PAXBP1: variants seen among roughly 807,000 people sequenced by gnomAD.
The protein encoded by PAXBP1 is PAX3- and PAX7-binding protein 1.
A neutral mutation model predicts 119.9 loss-of-function variants in PAXBP1; 44 were observed. The ratio of observed to expected loss-of-function variants is 0.37; its 90% CI spans 0.29 to 0.47. The LOEUF is 0.47. Among genes scored for constraint, PAXBP1 ranks in the 20% least tolerant of loss-of-function variants. The pLI is 0.99. For missense variants in PAXBP1, 898 were observed against 1,134.1 expected (o/e 0.79, Z 2.99); for synonymous variants, 393 against 406.6 (o/e 0.97, Z 0.40).
chr21:32,740,792 G>A (rs2043769942), intron 15 of PAXBP1, among the ~76,000 whole-genome samples: 1 of 151,298 alleles, frequency 6.6e-6, no homozygotes, highest in East Asian at 1.9e-4. Flanking sequence ...AAGACTATTA[G>A]AATGGAAAGA....
chr21:32,762,003 G>T, intron 4 of PAXBP1, 93 bp downstream of exon 4: 2 of 1,285,668 alleles, frequency 1.6e-6, no homozygotes, highest in Non-Finnish European at 2.2e-6. Context: ...TTGTACCACT[G>T]CACTCTGGCC....
chr21:32,761,983 T>G (rs932005057), intron 4 of PAXBP1, 113 bp downstream of exon 4: 11 of 1,077,174 alleles, frequency 1.0e-5, no homozygotes, highest in African/African-American at 3.1e-5. Context: ...GACACTGCAG[T>G]GAGCTATGAT....
chr21:32,750,856 A>C, intron 10 of PAXBP1, 61 bp downstream of exon 10: 51 of 1,264,420 alleles, frequency 4.0e-5, no homozygotes, highest in East Asian at 7.0e-5. Flanking sequence ...TTCATGGTAA[A>C]AACCATACCC....
intron 2 of PAXBP1, among the ~76,000 whole-genome samples, chr21:32,765,304 G>C (rs1175873438): frequency 6.6e-6 from 1 of 152,166 alleles, no homozygotes; most frequent in African/African-American, 2.4e-5. Context: ...CCACTCCTGA[G>C]GCCCATTTCA....
intron 7 of PAXBP1, among the ~76,000 whole-genome samples, chr21:32,758,833 T>C (rs1301116450): frequency 2.0e-5 from 3 of 152,138 alleles, no homozygotes; most frequent in African/African-American, 7.2e-5. Flanking sequence ...GAAATAAGAC[T>C]TTCCAAAGTC....
At chr21:32,747,309 A>G (rs2043888960) in intron 11 of PAXBP1, among the ~76,000 whole-genome samples, 1 of 152,224 alleles carries the variant, frequency 6.6e-6, no homozygotes, top group Non-Finnish European at 1.5e-5. Context: ...CTTTAAAGAA[A>G]GGAATCAAAT....
intron 11 of PAXBP1, among the ~76,000 whole-genome samples, chr21:32,746,230 C>G (rs1399294458): frequency 6.6e-6 from 1 of 152,124 alleles, no homozygotes; most frequent in Non-Finnish European, 1.5e-5. Context: ...GACAAAAACA[C>G]CAAAAGCAAC....
chr21:32,749,217 C>T (rs1177899712), intron 10 of PAXBP1, among the ~76,000 whole-genome samples: 1 of 147,996 alleles, frequency 6.8e-6, no homozygotes, highest in African/African-American at 2.5e-5. Context: ...TTTTTTGAGA[C>T]AGATTCTCAC....
At position 32,761,959 on chromosome 21, in the gene PAXBP1, A is replaced by G. The variant is rs184508539; in HGVS notation, c.871+137T>C. The G allele has an allele frequency of 1.9e-3, 1,541 of 825,164 alleles. 3 individuals carry two copies. The highest frequency in any genetic ancestry group is 2.7e-3 in the Non-Finnish European group (1,407 of 526,088). The allele number at this position is 825,164 out of a possible 1,614,324, so 51.1% of individuals were successfully genotyped here. ...AGGCTGAGACAAGGGTGACTGTTTG[A>G]GTCCACGAGTCAAGACACTGCAGTG... On this transcript the variant is annotated intron_variant, in intron 4 of 17. Coordinates refer to ENST00000331923, the MANE Select transcript of PAXBP1 (RefSeq NM_016631.4).
chr21:32,749,922 T>C (rs897061508), intron 10 of PAXBP1, among the ~76,000 whole-genome samples: 10 of 152,086 alleles, frequency 6.6e-5, no homozygotes, highest in Non-Finnish European at 1.5e-4. Flanking sequence ...AAAAATGTCA[T>C]AACCAAATGC....
At chr21:32,756,157 A>G in intron 7 of PAXBP1, 1 of 366,090 alleles carries the variant, frequency 2.7e-6, no homozygotes, top group Non-Finnish European at 5.3e-6. Context: ...AGAACATGAG[A>G]GCTAACTTAA....
intron 16 of PAXBP1, among the ~76,000 whole-genome samples, chr21:32,737,928 A>G (rs1267474980): frequency 1.3e-5 from 2 of 152,130 alleles, no homozygotes; most frequent in African/African-American, 4.8e-5. Context: ...AAAATATCAA[A>G]ACTTTCACTA....
At chr21:32,745,950 A>G (rs1391327489) in intron 11 of PAXBP1, among the ~76,000 whole-genome samples, 3 of 152,226 alleles carry the variant, frequency 2.0e-5, no homozygotes, top group Non-Finnish European at 4.4e-5. Flanking sequence ...TAGAGAACTC[A>G]GCAATAAGAC....
rs2043670808 is a variant in PAXBP1 at position 32,734,893 on chromosome 21, C to T, written c.*57G>A. On this transcript the variant is annotated 3_prime_UTR_variant, in exon 18 of 18. Transcript: ENST00000331923. Reference sequence around the variant, plus strand: ...CAGTTTAAGAAACTTTACATATATACAAAATTTACACATTGGGAATGGTAA... The same window carrying T: ...CAGTTTAAGAAACTTTACATATATATAAAATTTACACATTGGGAATGGTAA... The T allele has an allele frequency of 2.3e-6, 3 of 1,319,868 alleles. No homozygotes were observed. Among genetic ancestry groups the T allele is most frequent in the Admixed American group, 1.7e-5 (1 of 57,950 alleles). 81.8% of individuals were successfully genotyped at this position (1,319,868 alleles called of 1,614,324 possible). A position where few individuals can be genotyped will look rare whatever the true frequency, so the allele number is the denominator to read the frequency against.
intron 15 of PAXBP1, among the ~76,000 whole-genome samples, chr21:32,741,891 G>A (rs2146472006): frequency 6.6e-6 from 1 of 152,232 alleles, no homozygotes; most frequent in South Asian, 2.1e-4. Context: ...ATTGTTTTCT[G>A]AGTCCCAAGA....
In PAXBP1 at chr21:32,768,545, CCTA is replaced by C. The variant is rs570716449; in HGVS notation, c.472+1266_472+1268del. Among the ~76,000 whole-genome samples the C allele has an allele frequency of 7.4e-4, 113 of 152,334 alleles. 1 individual carries two copies. The highest frequency in any genetic ancestry group is 2.1e-3 in the Admixed American group (32 of 15,298). Reference sequence around the variant, plus strand: ...AACATTTTTAACTCATCCAGAATTTCCTACTAAATCAGTAGAAGCCTTTACTCT... The same window carrying C: ...AACATTTTTAACTCATCCAGAATTTCCTAAATCAGTAGAAGCCTTTACTCT... On this transcript the variant is annotated intron_variant, in intron 2 of 17. Transcript: ENST00000331923.
Position 32,751,000 on chromosome 21 carries a change from C to G in PAXBP1, c.1640G>C (p.Gly547Ala), listed in dbSNP as rs1210000468. 1 of 1,613,982 alleles carries G rather than the reference C, an allele frequency of 6.2e-7. No homozygotes were observed. The highest frequency in any genetic ancestry group is 8.5e-7 in the Non-Finnish European group (1 of 1,180,018). ...TRRRQAREQT[G>A]KMADHLEGLS... ...GCCTTCAAGGTGATCTGCCATCTTA[C>G]CGGTTTGTTCTCTGGCTTGTCTACG... Residue 547 changes from glycine to alanine, a missense_variant, in exon 10 of 18, where the codon GGT (glycine) becomes GCT (alanine). Physicochemically the swap from Gly to Ala is moderately conservative, Grantham distance 60. Around this residue, in one of 2 missense-constraint regions of PAXBP1, gnomAD observed 599 missense variants for 852.7 expected, o/e 0.70. Coordinates refer to ENST00000331923, the MANE Select transcript of PAXBP1 (RefSeq NM_016631.4).
chr21:32,738,127 AT>A (rs2043720772), intron 16 of PAXBP1, 45 bp downstream of exon 16: 1 of 1,470,714 alleles, frequency 6.8e-7, no homozygotes, highest in Non-Finnish European at 9.0e-7. Flanking sequence ...AACTTAATTC[AT>A]TTTAAATTAT....
In PAXBP1 at chr21:32,755,158, A is replaced by G. The variant is rs1159228721; in HGVS notation, c.1507+72T>C. ...AAAAAAAAAAAGCTCCAAGATCTCT[A>G]ATTTTCAATTAGGCTGCACTAAGTA... On this transcript the variant is annotated intron_variant, in intron 8 of 17. Coordinates refer to ENST00000331923, the MANE Select transcript of PAXBP1 (RefSeq NM_016631.4). The G allele has an allele frequency of 3.5e-6, 5 of 1,422,496 alleles. No individual in the cohort carries two copies. In the Admixed American group the frequency reaches 1.4e-4, roughly 39 times the overall value. 88.1% of individuals were successfully genotyped at this position (1,422,496 alleles called of 1,614,324 possible).
Sources: allele counts gnomAD v4.1 joint callset (sites outside exome capture counted in the v4.1 genomes callset), GRCh38; gene constraint gnomAD v4.1.1; regional missense constraint gnomAD v4.1.1; transcripts MANE v1.5; gene names NCBI Gene and HGNC (gene_info 2026-07-23, HGNC 2026-07-21).